The following ARL15 variants were observed in gnomAD, a reference collection of about 807,000 sequenced individuals.
ARL15 encodes the protein ADP-ribosylation factor-like protein 15.
A neutral mutation model predicts 25.2 loss-of-function variants in ARL15; 19 were observed. The ratio of observed to expected loss-of-function variants is 0.75; its 90% CI spans 0.53 to 1.10. ARL15 has a LOEUF of 1.10. Ranked by LOEUF, ARL15 falls within the 50% of genes least tolerant of loss-of-function variation. The pLI is 0.00. For synonymous variants in ARL15, 94 were observed against 86.8 expected, an observed-to-expected ratio of 1.08 and a Z score of -0.46; for missense variants, 220 against 246.0, an observed-to-expected ratio of 0.89 and a Z score of 0.71.
chr5:54,188,741 C>T (rs1021893775), intron 1 of ARL15, among the ~76,000 whole-genome samples: 18 of 152,080 alleles, frequency 1.2e-4, no homozygotes, highest in African/African-American at 4.3e-4. Context: ...TAAAATAAGA[C>T]CTCATTGTCA....
chr5:54,270,848 G>A (rs572552774), intron 1 of ARL15, among the ~76,000 whole-genome samples: 2 of 152,230 alleles, frequency 1.3e-5, no homozygotes, highest in Non-Finnish European at 2.9e-5. Context: ...GATGTTTCCA[G>A]AGGAGATTGG....
rs193245121 is a variant in ARL15, at chr5:53,886,862, G to A, written c.463-149C>T. ...AACTTTGCAATGTGGATGCCTGTCCGCAGCTGTTGTTATAATGTGGGTTAT... is the reference window on the plus strand; with the variant it reads ...AACTTTGCAATGTGGATGCCTGTCCACAGCTGTTGTTATAATGTGGGTTAT... On this transcript the variant is annotated intron_variant, in intron 4 of 4. Transcript: ENST00000504924. 6.9e-4 allele frequency: 493 copies of A among 713,926 alleles called. 1 individual carries two copies. In the African/African-American group the frequency reaches 7.6e-3, roughly 11 times the overall value. The allele number at this position is 713,926 out of a possible 1,614,324, so 44.2% of individuals were successfully genotyped here.
At position 53,991,384 on chromosome 5, in the gene ARL15, A is replaced by G. The variant is rs553393382; in HGVS notation, c.463-104671T>C. On this transcript the variant is annotated intron_variant, in intron 4 of 4. Transcript: ENST00000504924. ...TGATGAAACTCCATCTCTACTAAAA[A>G]TACAAAAATTAGCCAGGTGTGGTTG... 2.5e-3 allele frequency among the ~76,000 whole-genome samples: 379 copies of G among 152,056 alleles called. 2 individuals carry two copies. The highest frequency in any genetic ancestry group is 0.017 in the Middle Eastern group (5 of 294).
intron 4 of ARL15, among the ~76,000 whole-genome samples, chr5:53,925,747 G>T (rs1745997875): frequency 6.6e-6 from 1 of 152,108 alleles, no homozygotes. Flanking sequence ...ATTCGAGGTT[G>T]CAGTGAGCAC....
chr5:54,102,376 CAAGA>C (rs1458314244), intron 4 of ARL15, among the ~76,000 whole-genome samples: 2 of 152,032 alleles, frequency 1.3e-5, no homozygotes, highest in Non-Finnish European at 2.9e-5. Flanking sequence ...TTATGTATAA[CAAGA>C]AAGAAAGTGT....
In ARL15 at chr5:53,985,714, C is replaced by T. The variant is rs535153572; in HGVS notation, c.463-99001G>A. ...GTACATTTGCTTATCTATTCATCCG[C>T]TGATGGATACTTGGGTTGCCTCTAC... On this transcript the variant is annotated intron_variant, in intron 4 of 4. Transcript: ENST00000504924. 9.8e-5 allele frequency among the ~76,000 whole-genome samples: 15 copies of T among 152,308 alleles called. 1 individual carries two copies. In the South Asian group the frequency reaches 2.9e-3, roughly 29 times the overall value.
intron 2 of ARL15, among the ~76,000 whole-genome samples, chr5:54,162,530 T>C (rs947013214): frequency 2.6e-5 from 4 of 152,176 alleles, no homozygotes; most frequent in Admixed American, 6.5e-5. Context: ...TCATAGCCAC[T>C]TGTTAATAAC....
At chr5:54,104,605 T>C (rs1197685395) in intron 4 of ARL15, among the ~76,000 whole-genome samples, 1 of 152,130 alleles carries the variant, frequency 6.6e-6, no homozygotes, top group African/African-American at 2.4e-5. Context: ...ATTTTTATAA[T>C]AGGAACTAAG....
At chr5:53,972,099 T>C in intron 4 of ARL15, among the ~76,000 whole-genome samples, 1 of 152,240 alleles carries the variant, frequency 6.6e-6, no homozygotes, top group Admixed American at 6.5e-5. Flanking sequence ...TTCATTATAC[T>C]ATTCTCTCAA....
chr5:54,137,606 A>C (rs1439764472), intron 3 of ARL15, among the ~76,000 whole-genome samples: 1 of 152,224 alleles, frequency 6.6e-6, no homozygotes, highest in African/African-American at 2.4e-5. Flanking sequence ...CAAGAAAAGT[A>C]AAAATTCAGA....
intron 4 of ARL15, among the ~76,000 whole-genome samples, chr5:53,957,804 A>C (rs1747211451): frequency 6.6e-6 from 1 of 152,232 alleles, no homozygotes. Flanking sequence ...AGCCTGGGCA[A>C]CAGAGTGAGA....
intron 4 of ARL15, among the ~76,000 whole-genome samples, chr5:54,043,525 C>T (rs1341907675): frequency 6.6e-6 from 1 of 152,026 alleles, no homozygotes; most frequent in African/African-American, 2.4e-5. Context: ...GGTTTGTGGT[C>T]AATGAGATGG....
At position 54,043,762 on chromosome 5, in the gene ARL15, C is replaced by T. The variant is rs894068008; in HGVS notation, c.462+69440G>A. 4.6e-5 allele frequency among the ~76,000 whole-genome samples: 7 copies of T among 151,708 alleles called. No homozygotes were observed. The South Asian group carries it at 1.0e-3, about 23-fold the overall frequency. ...TTATTTCTACTTTATAAACAATGAC[C>T]ATGAAACTTGGAAACATTAAAATAA... On this transcript the variant is annotated intron_variant, in intron 4 of 4. Coordinates refer to ENST00000504924, the MANE Select transcript of ARL15 (RefSeq NM_019087.3).
Position 53,886,043 on chromosome 5 carries a change from T to A in ARL15, c.*518A>T, listed in dbSNP as rs775232034. 6.6e-6 allele frequency: 1 copy of A among 151,712 alleles called. No homozygotes were observed. Among genetic ancestry groups the A allele is most frequent in the Non-Finnish European group, 1.5e-5 (1 of 67,968 alleles). 9.4% of individuals were successfully genotyped at this position (151,712 alleles called of 1,614,324 possible). A position where few individuals can be genotyped will look rare whatever the true frequency, so the allele number is the denominator to read the frequency against. On this transcript the variant is annotated 3_prime_UTR_variant, in exon 5 of 5. Coordinates refer to ENST00000504924, the MANE Select transcript of ARL15 (RefSeq NM_019087.3). ...TTAATGAAGTTTTTGGTGCTCACTT[T>A]TCTCTCATAGTCTATAAGCTCAGTA...
At chr5:54,258,538 G>A (rs1757423989) in intron 1 of ARL15, among the ~76,000 whole-genome samples, 1 of 152,168 alleles carries the variant, frequency 6.6e-6, no homozygotes, top group Non-Finnish European at 1.5e-5. Context: ...TCTCTTGAAA[G>A]GAAGTCCTAG....
chr5:54,203,452 C>T (rs781656216), intron 1 of ARL15, among the ~76,000 whole-genome samples: 2 of 152,088 alleles, frequency 1.3e-5, no homozygotes, highest in Non-Finnish European at 2.9e-5. Context: ...TCTGGATAAT[C>T]AACTATTTTA....
intron 3 of ARL15, among the ~76,000 whole-genome samples, chr5:54,139,314 A>G (rs1753700470): frequency 6.6e-6 from 1 of 152,192 alleles, no homozygotes; most frequent in African/African-American, 2.4e-5. Context: ...ACATACATAC[A>G]TGGAATACCA....
intron 4 of ARL15, among the ~76,000 whole-genome samples, chr5:54,017,580 T>G (rs1749464093): frequency 2.0e-5 from 2 of 97,902 alleles, no homozygotes; most frequent in African/African-American, 7.2e-5. Context: ...TCAGTGCCTT[T>G]GTGGAAGAAA....
rs114925071 is a variant in ARL15, at chr5:54,160,954, A to G, written c.194-6315T>C. Among the ~76,000 whole-genome samples, 1,293 of 152,266 alleles carry G rather than the reference A, an allele frequency of 8.5e-3. 21 individuals are homozygous for G. The highest frequency in any genetic ancestry group is 0.029 in the African/African-American group (1,214 of 41,568). On this transcript the variant is annotated intron_variant, in intron 2 of 4. Transcript: ENST00000504924. Reference sequence around the variant, plus strand: ...CAAGACATTATAGAGAAATAATTTAAAAGAATAAAGGTTTTACCCATAATT... The same window carrying G: ...CAAGACATTATAGAGAAATAATTTAGAAGAATAAAGGTTTTACCCATAATT...
Sources: gnomAD v4.1 joint callset for allele counts (sites outside exome capture counted in the v4.1 genomes callset) on GRCh38, gnomAD v4.1.1 for gene constraint, MANE v1.5 for transcripts, NCBI Gene and HGNC (gene_info 2026-07-23, HGNC 2026-07-21) for gene names.